DNAH5: variants seen among roughly 807,000 people sequenced by gnomAD.
The protein encoded by DNAH5 is axonemal beta dynein heavy chain 5.
In DNAH5, 372 loss-of-function variants were observed where a neutral mutation model predicts 518.2. The ratio of observed to expected loss-of-function variants is 0.72; its 90% confidence interval spans 0.66 to 0.78. The LOEUF (loss-of-function observed/expected upper bound fraction) is 0.78, where lower values mean the gene tolerates loss of function less well. Among genes scored for constraint, DNAH5 ranks in the 30% least tolerant of loss-of-function variants. DNAH5 has a pLI of 0.00. For synonymous variants in DNAH5, 2,039 were observed against 2,025.9 expected (o/e 1.01, Z -0.17); for missense variants, 5,523 against 5,687.0 (o/e 0.97, Z 0.93).
chr5:13,726,288 G>A (rs1019501632), intron 70 of DNAH5, among the ~76,000 whole-genome samples: 2 of 152,174 alleles, frequency 1.3e-5, no homozygotes, highest in Non-Finnish European at 2.9e-5. Flanking sequence ...GATACTGCAG[G>A]ACTTGAAAAG....
intron 21 of DNAH5, among the ~76,000 whole-genome samples, chr5:13,879,258 G>A (rs1771308483): frequency 6.6e-6 from 1 of 152,142 alleles, no homozygotes; most frequent in African/African-American, 2.4e-5. Flanking sequence ...GAGTGAAGTG[G>A]ACATATATGA....
chr5:13,901,181 A>G (rs1774551274), intron 14 of DNAH5, 71 bp downstream of exon 14: 1 of 1,519,716 alleles, frequency 6.6e-7, no homozygotes. Flanking sequence ...TAAAGAAATA[A>G]CACTGTCAAA....
rs758897089 is a variant in DNAH5 at position 13,717,417 on chromosome 5, G to A, written c.12603C>T (p.Phe4201=). ...LHSTVQERRK[F]GALGWNIPYE... is the part of the protein sequence containing the mutation. Reference sequence around the variant, plus strand: ...AGGGGATATTCCACCCCAGGGCACCGAACTTGCGCCTCTCCTGGACAGTGG... The same window carrying A: ...AGGGGATATTCCACCCCAGGGCACCAAACTTGCGCCTCTCCTGGACAGTGG... The change falls in exon 73 of 79, where the codon TTC becomes TTT. Residue 4201 remains phenylalanine, a synonymous_variant. Coordinates refer to ENST00000265104, the MANE Select transcript of DNAH5 (RefSeq NM_001369.3). 19 of 1,614,086 alleles carry A rather than the reference G, an allele frequency of 1.2e-5. No individual in the cohort carries two copies. The highest frequency in any genetic ancestry group is 9.9e-5 in the South Asian group (9 of 91,082).
At chr5:13,801,246 C>G (rs1433625510) in intron 47 of DNAH5, among the ~76,000 whole-genome samples, 1 of 152,168 alleles carries the variant, frequency 6.6e-6, no homozygotes, top group African/African-American at 2.4e-5. Flanking sequence ...CTCACGAGAT[C>G]TGGTTGCTTA....
In DNAH5 at chr5:13,769,091, T is replaced by C. The variant is rs776993217; in HGVS notation, c.9766A>G (p.Lys3256Glu). 1.2e-6 allele frequency: 2 copies of C among 1,614,230 alleles called. No homozygotes were observed. Among genetic ancestry groups the C allele is most frequent in the Non-Finnish European group, 1.7e-6 (2 of 1,180,044 alleles). ...TCCTTCACCTTCTGTACCTCAGCCTTGACCTTTTCAGCAGCCTGTGCTTTC... is the reference window on the plus strand; with the variant it reads ...TCCTTCACCTTCTGTACCTCAGCCTCGACCTTTTCAGCAGCCTGTGCTTTC... ...TMKAQAAEKV[K>E]AEVQKVKDRA... Residue 3256 changes from lysine (K) to glutamate (E), a missense_variant, in exon 58 of 79, where the codon AAG (lysine) becomes GAG (glutamate). Coordinates refer to ENST00000265104, the MANE Select transcript of DNAH5 (RefSeq NM_001369.3).
At chr5:13,741,835 C>T (rs985564146) in intron 65 of DNAH5, among the ~76,000 whole-genome samples, 13 of 152,092 alleles carry the variant, frequency 8.5e-5, no homozygotes, top group Non-Finnish European at 1.3e-4. Flanking sequence ...CAAAACCCTT[C>T]AGCCACTTGA....
chr5:13,776,797 A>C, intron 54 of DNAH5, 91 bp from the exon 55 acceptor site: 1 of 1,449,680 alleles, frequency 6.9e-7, no homozygotes, highest in Non-Finnish European at 9.6e-7. Context: ...TCTTTTCTCC[A>C]TTTGTGTTCT....
intron 39 of DNAH5, among the ~76,000 whole-genome samples, chr5:13,823,822 A>G (rs1238091308): frequency 1.3e-5 from 2 of 152,250 alleles, no homozygotes; most frequent in Non-Finnish European, 2.9e-5. Context: ...ATCAGTCTCT[A>G]TCGTGAAATA....
intron 1 of DNAH5, among the ~76,000 whole-genome samples, chr5:13,967,050 T>C (rs536398424): frequency 1.3e-4 from 20 of 152,116 alleles, no homozygotes; most frequent in African/African-American, 1.9e-4. Context: ...TTAGTAGAGA[T>C]AGGGTTTTGC....
chr5:13,913,783 G>C lies in DNAH5; in HGVS notation c.1496C>G (p.Ser499Cys), dbSNP rs1337696467. The C allele has an allele frequency of 6.2e-7, 1 of 1,613,414 alleles. No individual in the cohort carries two copies. The highest frequency in any genetic ancestry group is 8.5e-7 in the Non-Finnish European group (1 of 1,179,516). Residue 499 changes from serine (S) to cysteine (C), a missense_variant, in exon 11 of 79, where the codon TCC becomes TGC. Around this residue, in one of 3 missense-constraint regions of DNAH5, gnomAD observed 5,121 missense variants for 5,223.3 expected, o/e 0.98. Coordinates refer to ENST00000265104, the MANE Select transcript of DNAH5 (RefSeq NM_001369.3). The stretch of plus-strand genomic sequence containing the variant: ...CATGTCTTCCAGCCCTTCAATTGTG[G>C]AATCTTGCAGGACTGAATACGTCTT... ...TLKTYSVLQD[S>C]TIEGLEDMAT...
intron 28 of DNAH5, among the ~76,000 whole-genome samples, chr5:13,863,940 T>A (rs539773003): frequency 3.4e-4 from 52 of 152,206 alleles, no homozygotes; most frequent in Non-Finnish European, 6.9e-4. Flanking sequence ...AGATGCTCCA[T>A]GCATAATGCA....
At chr5:14,000,174 G>A (rs1027856919) in intron 1 of DNAH5, among the ~76,000 whole-genome samples, 1 of 152,190 alleles carries the variant, frequency 6.6e-6, no homozygotes, top group Non-Finnish European at 1.5e-5. Flanking sequence ...TATCCAATCT[G>A]ACTGGCGTCC....
chr5:13,761,413 G>A lies in DNAH5; in HGVS notation c.10281+1309C>T, dbSNP rs537165840. Among the ~76,000 whole-genome samples, 39 of 152,144 alleles carry A rather than the reference G, an allele frequency of 2.6e-4. No homozygotes were observed. In the South Asian group the frequency reaches 8.1e-3, roughly 32 times the overall value. Reference sequence around the variant, plus strand: ...TCAAGACCATCCTGGCTAACATGGTGAAACCCCATCTCTACTAAAAATACA... The same window carrying A: ...TCAAGACCATCCTGGCTAACATGGTAAAACCCCATCTCTACTAAAAATACA... On this transcript the variant is annotated intron_variant, in intron 60 of 78. Transcript: ENST00000265104.
intron 52 of DNAH5, among the ~76,000 whole-genome samples, chr5:13,781,487 A>G (rs1755130536): frequency 6.6e-6 from 1 of 152,150 alleles, no homozygotes; most frequent in Non-Finnish European, 1.5e-5. Flanking sequence ...CTGATCTTGA[A>G]TTGTACTCCC....
At chr5:13,840,872 T>A (rs369767167) in intron 34 of DNAH5, 34 bp downstream of exon 34, 1 of 1,586,872 alleles carries the variant, frequency 6.3e-7, no homozygotes, top group Non-Finnish European at 8.7e-7. Flanking sequence ...AATTTGTTTT[T>A]CTCTACATGC....
chr5:14,002,656 C>T lies in DNAH5; in HGVS notation c.12+8992G>A, dbSNP rs533490520. Among the ~76,000 whole-genome samples the T allele has an allele frequency of 4.0e-5, 6 of 151,822 alleles. No individual in the cohort carries two copies. The South Asian group carries it at 1.2e-3, about 32-fold the overall frequency. On this transcript the variant is annotated intron_variant, in intron 1 of 78. Coordinates refer to the DNAH5 transcript ENST00000681290. ...ACACAGATACATACACACACAGTAG[C>T]TTAAAAAAACTACAAGTATTTTTGT... is the stretch of plus-strand genomic sequence containing the variant.
intron 2 of DNAH5, among the ~76,000 whole-genome samples, chr5:13,928,944 A>G (rs1236501433): frequency 6.6e-6 from 1 of 152,198 alleles, no homozygotes; most frequent in Non-Finnish European, 1.5e-5. Flanking sequence ...AGGCTCCTTA[A>G]AAAACTAAAA....
chr5:14,001,198 C>T (rs370900192), intron 1 of DNAH5, among the ~76,000 whole-genome samples: 54 of 152,282 alleles, frequency 3.5e-4, no homozygotes, highest in African/African-American at 1.3e-3. Flanking sequence ...GTAATATGCT[C>T]AGTACCTGGG....
Position 13,758,972 on chromosome 5 carries a change from C to A in DNAH5, c.10293G>T (p.Val3431=), listed in dbSNP as rs1224680596. The A allele has an allele frequency of 1.9e-6, 3 of 1,614,034 alleles. No homozygotes were observed. Among genetic ancestry groups the A allele is most frequent in the Non-Finnish European group, 2.5e-6 (3 of 1,180,032 alleles). The change falls in exon 61 of 79, where the codon GTG becomes GTT. Residue 3431 remains valine, a synonymous_variant. Transcript: ENST00000265104. ...KEVLPLKANL[V]VQENRHLLAM... is the part of the protein sequence containing the mutation. ...CCAGGAGATGGCGATTCTCTTGCAC[C>A]ACCAAGTTGGCCTGCACAGGACACA...
Sources: gnomAD v4.1 joint callset for allele counts (sites outside exome capture counted in the v4.1 genomes callset) on GRCh38, gnomAD v4.1.1 for gene constraint, gnomAD v4.1.1 regional missense constraint, MANE v1.5 for transcripts, NCBI Gene and HGNC (gene_info 2026-07-23, HGNC 2026-07-21) for gene names.